Variants in ROBO2 observed in about 807,000 individuals in gnomAD.
ROBO2 encodes the protein roundabout guidance receptor 2.
Under a neutral mutation model 160.8 loss-of-function variants are expected in ROBO2, and 53 were observed. The observed-to-expected ratio is 0.33, with a 90% CI of 0.26 to 0.41. The LOEUF is 0.41. ROBO2 is among the 10% of genes least tolerant of loss of function. ROBO2 has a pLI of 1.00. For missense variants in ROBO2, 1,577 were observed against 1,722.4 expected (o/e 0.92, Z 1.49); for synonymous variants, 664 against 611.7 (o/e 1.09, Z -1.26).
intron 2 of ROBO2, among the ~76,000 whole-genome samples, chr3:77,130,161 A>C (rs1014559566): frequency 1.3e-5 from 2 of 152,130 alleles, no homozygotes; most frequent in Non-Finnish European, 2.9e-5. Context: ...GTCAGCTTCC[A>C]TGATGACTCT....
At position 77,465,845 on chromosome 3, in the gene ROBO2, C is replaced by T. The variant is rs576202923; in HGVS notation, c.389-11569C>T. ...ATAAGTAAACAAACATCTTCAAGCA[C>T]ATTGTTCTCCAATCACTGTCAATGG... On this transcript the variant is annotated intron_variant, in intron 2 of 25. Coordinates refer to ENST00000461745, the Ensembl canonical transcript of ROBO2. Among the ~76,000 whole-genome samples the T allele has an allele frequency of 2.6e-5, 4 of 152,294 alleles. No individual in the cohort carries two copies. The East Asian group carries it at 7.7e-4, about 29-fold the overall frequency.
intron 1 of ROBO2, among the ~76,000 whole-genome samples, chr3:75,908,028 A>T (rs76329151): frequency 0.014 from 2,081 of 152,104 alleles, 42 homozygotes; most frequent in African/African-American, 0.046. Flanking sequence ...CTGTTTTTTT[A>T]AAAAAATTCA....
At chr3:77,522,211 C>G (rs1247735879) in intron 5 of ROBO2, among the ~76,000 whole-genome samples, 1 of 151,022 alleles carries the variant, frequency 6.6e-6, no homozygotes, top group East Asian at 2.0e-4. Flanking sequence ...ATGTGCATTT[C>G]CAAAAATCAC....
chr3:77,293,624 G>A lies in ROBO2; in HGVS notation c.389-183790G>A, dbSNP rs1266005269. 7.2e-4 allele frequency among the ~76,000 whole-genome samples: 103 copies of A among 143,844 alleles called. 6 individuals are homozygous for A. Among genetic ancestry groups the A allele is most frequent in the East Asian group, 2.0e-4 (1 of 5,082 alleles). 94.4% of individuals were successfully genotyped at this position (143,844 alleles called of 152,430 possible). ...ACCCCAGACACAAAGTAAAATTGAC[G>A]GTTAAACGGGTAAGCTGAGGCTAGA... is the stretch of plus-strand genomic sequence containing the variant. On this transcript the variant is annotated intron_variant, in intron 2 of 25. Transcript: ENST00000461745.
At chr3:76,283,151 T>TATATATATATATAA (rs1219870606) in intron 2 of ROBO2, among the ~76,000 whole-genome samples, 2 of 137,546 alleles carry the variant, frequency 1.5e-5, no homozygotes, top group African/African-American at 5.2e-5. Flanking sequence ...TATATATATA[T>TATATATATATATAA]AAAACTACAT....
At position 76,146,206 on chromosome 3, in the gene ROBO2, A is replaced by G. The variant is rs888038322; in HGVS notation, c.109+208604A>G. Among the ~76,000 whole-genome samples, 6 of 152,048 alleles carry G rather than the reference A, an allele frequency of 3.9e-5. 1 individual carries two copies. The highest frequency in any genetic ancestry group is 2.6e-4 in the Admixed American group (4 of 15,198). Reference sequence around the variant, plus strand: ...CCCCAACAGTAAAACATTCTTTAAAACAATTACTCAACAAAACTGATTGCT... The same window carrying G: ...CCCCAACAGTAAAACATTCTTTAAAGCAATTACTCAACAAAACTGATTGCT... On this transcript the variant is annotated intron_variant, in intron 2 of 26. Coordinates refer to the ROBO2 transcript ENST00000487694.
intron 2 of ROBO2, among the ~76,000 whole-genome samples, chr3:77,430,550 T>C (rs1268630107): frequency 6.6e-6 from 1 of 152,102 alleles, no homozygotes; most frequent in Non-Finnish European, 1.5e-5. Context: ...AATTCTTATA[T>C]TGGAATCCTA....
intron 2 of ROBO2, among the ~76,000 whole-genome samples, chr3:76,666,149 A>G (rs2092038241): frequency 6.6e-6 from 1 of 151,210 alleles, no homozygotes; most frequent in African/African-American, 2.4e-5. Flanking sequence ...TCAAACTGCT[A>G]GGAAAATGAA....
At chr3:77,574,586 T>C in exon 14 of ROBO2, 1 of 1,613,422 alleles carries the variant, frequency 6.2e-7, no homozygotes, top group Non-Finnish European at 8.5e-7. Context: ...GTGGCAGAAT[T>C]TAGATGCCAA....
chr3:76,595,711 C>A (rs1370795039), intron 2 of ROBO2, among the ~76,000 whole-genome samples: 3 of 151,970 alleles, frequency 2.0e-5, no homozygotes, highest in Non-Finnish European at 4.4e-5. Context: ...GTTTTTCTGC[C>A]TTCTTATGAA....
chr3:77,474,777 C>G (rs2083789986), intron 2 of ROBO2, among the ~76,000 whole-genome samples: 1 of 152,116 alleles, frequency 6.6e-6, no homozygotes, highest in Non-Finnish European at 1.5e-5. Context: ...GGGAATACTT[C>G]ACCATGGCTA....
At chr3:76,448,213 A>G (rs1465925926) in intron 2 of ROBO2, among the ~76,000 whole-genome samples, 2 of 152,288 alleles carry the variant, frequency 1.3e-5, no homozygotes, top group Non-Finnish European at 2.9e-5. Flanking sequence ...TCTCTTGTGC[A>G]TGAATATGTA....
intron 2 of ROBO2, among the ~76,000 whole-genome samples, chr3:76,616,543 A>G (rs2088599401): frequency 6.6e-6 from 1 of 152,140 alleles, no homozygotes. Context: ...AAGCTGTTAT[A>G]CTAACAGTTA....
At chr3:76,598,303 G>T (rs1413273993) in intron 2 of ROBO2, among the ~76,000 whole-genome samples, 4 of 151,984 alleles carry the variant, frequency 2.6e-5, no homozygotes, top group East Asian at 1.9e-4. Context: ...GGTTTTTTTT[G>T]TTTGTTTGTT....
intron 2 of ROBO2, among the ~76,000 whole-genome samples, chr3:76,446,115 T>A (rs1213360425): frequency 1.3e-5 from 2 of 152,184 alleles, no homozygotes; most frequent in Admixed American, 1.3e-4. Flanking sequence ...TGTTTGCAGA[T>A]GACATGATTG....
At chr3:77,465,215 T>C (rs141632912) in intron 2 of ROBO2, among the ~76,000 whole-genome samples, 2,232 of 152,268 alleles carry the variant, frequency 0.015, 49 homozygotes, top group African/African-American at 0.05. Context: ...ATTTTAGTAA[T>C]ATGGCATAAT....
intron 2 of ROBO2, chr3:77,317,393 C>A: frequency 8.6e-7 from 1 of 1,168,234 alleles, no homozygotes. Flanking sequence ...TCCATTTCTC[C>A]GTAGACCTCG....
chr3:77,431,078 G>A (rs946109252), intron 2 of ROBO2, among the ~76,000 whole-genome samples: 3 of 152,212 alleles, frequency 2.0e-5, no homozygotes, highest in South Asian at 4.1e-4. Flanking sequence ...ACTTTTCAGC[G>A]TTAGAATCAA....
At chr3:77,165,691 G>A (rs905489142) in intron 2 of ROBO2, among the ~76,000 whole-genome samples, 1 of 152,028 alleles carries the variant, frequency 6.6e-6, no homozygotes, top group African/African-American at 2.4e-5. Flanking sequence ...TAACAAGAAG[G>A]CTTAAGTATC....
Sources: allele counts gnomAD v4.1 joint callset (sites outside exome capture counted in the v4.1 genomes callset), GRCh38; gene constraint gnomAD v4.1.1; transcripts MANE v1.5; gene names NCBI Gene and HGNC (gene_info 2026-07-23, HGNC 2026-07-21).